Variants in CFAP299 observed in about 807,000 individuals in gnomAD.
CFAP299 encodes cilia- and flagella-associated protein 299.
Under a neutral mutation model 27.0 loss-of-function variants are expected in CFAP299, and 21 were observed. The ratio of observed to expected loss-of-function variants is 0.78; its 90% CI spans 0.55 to 1.12. CFAP299 has a LOEUF of 1.12. Ranked by LOEUF, CFAP299 falls within the 50% of genes most tolerant of loss-of-function variation. The pLI is 0.00. For missense variants in CFAP299, 310 were observed against 276.6 expected (o/e 1.12, Z -0.86); for synonymous variants, 104 against 98.1 (o/e 1.06, Z -0.36).
chr4:80,800,648 A>ATATTAATATAAATATATAATATATT (rs1728511312), intron 3 of CFAP299, among the ~76,000 whole-genome samples: 1 of 98,806 alleles, frequency 1.0e-5, no homozygotes, highest in Admixed American at 1.7e-4. Context: ...ATAATATATT[A>ATATTAATATAAATATATAATATATT]ATATATATAT....
chr4:80,331,086 G>A (rs1225999140), upstream of CFAP299, among the ~76,000 whole-genome samples: 1 of 152,136 alleles, frequency 6.6e-6, no homozygotes, highest in Non-Finnish European at 1.5e-5. Flanking sequence ...TCTCTATACC[G>A]AGATCTATAA....
chr4:80,690,460 A>G (rs1311258836), intron 3 of CFAP299, among the ~76,000 whole-genome samples: 1 of 152,184 alleles, frequency 6.6e-6, no homozygotes, highest in African/African-American at 2.4e-5. Flanking sequence ...ACATAACGAA[A>G]TGAAGGCAGA....
chr4:80,858,403 T>C (rs1186117793), intron 3 of CFAP299, among the ~76,000 whole-genome samples: 1 of 152,208 alleles, frequency 6.6e-6, no homozygotes, highest in African/African-American at 2.4e-5. Flanking sequence ...TGTATCTCTA[T>C]TTCCTTCAGT....
chr4:80,788,610 G>A (rs986202110), intron 3 of CFAP299, among the ~76,000 whole-genome samples: 1 of 151,918 alleles, frequency 6.6e-6, no homozygotes, highest in African/African-American at 2.4e-5. Context: ...TCATTAGCTA[G>A]AACATCCTAA....
At chr4:80,764,046 A>G (rs11724944) in intron 3 of CFAP299, among the ~76,000 whole-genome samples, 111 of 152,332 alleles carry the variant, frequency 7.3e-4, no homozygotes, top group Middle Eastern at 3.4e-3. Flanking sequence ...AGGCATGGAT[A>G]AAGACTTCAT....
intron 3 of CFAP299, among the ~76,000 whole-genome samples, chr4:80,663,302 A>G (rs1016906573): frequency 6.6e-6 from 1 of 151,156 alleles, no homozygotes; most frequent in Non-Finnish European, 1.5e-5. Context: ...CCACCCCCTG[A>G]CAGGCACAGT....
intron 5 of CFAP299, among the ~76,000 whole-genome samples, chr4:80,958,413 A>G (rs1738175279): frequency 6.6e-6 from 1 of 152,178 alleles, no homozygotes; most frequent in Non-Finnish European, 1.5e-5. Context: ...TACTGAACTG[A>G]TGCAGATCAC....
At chr4:80,582,699 A>C (rs1391992718) in intron 2 of CFAP299, among the ~76,000 whole-genome samples, 1 of 151,870 alleles carries the variant, frequency 6.6e-6, no homozygotes, top group Non-Finnish European at 1.5e-5. Flanking sequence ...CAGTAACTGC[A>C]TAGCATAGGT....
the CFAP299 span, among the ~76,000 whole-genome samples, chr4:80,323,493 A>G: frequency 6.6e-6 from 1 of 152,212 alleles, no homozygotes; most frequent in African/African-American, 2.4e-5. Context: ...CTTTTCAAAA[A>G]GATTGTCTTA....
At chr4:80,449,756 A>G (rs1326058795) in intron 2 of CFAP299, among the ~76,000 whole-genome samples, 4 of 152,026 alleles carry the variant, frequency 2.6e-5, no homozygotes, top group Non-Finnish European at 5.9e-5. Flanking sequence ...GCCAAAACCT[A>G]GAAAGAACAC....
At chr4:80,554,177 A>T (rs1208721729) in intron 2 of CFAP299, among the ~76,000 whole-genome samples, 2 of 152,134 alleles carry the variant, frequency 1.3e-5, no homozygotes, top group African/African-American at 4.8e-5. Context: ...TATATGGTGT[A>T]AGGAAGGGGT....
intron 2 of CFAP299, among the ~76,000 whole-genome samples, chr4:80,385,097 GAGA>G (rs1724902295): frequency 6.6e-6 from 1 of 152,040 alleles, no homozygotes; most frequent in Non-Finnish European, 1.5e-5. Flanking sequence ...TGTTTATGAT[GAGA>G]ACAATTAATA....
In CFAP299 at chr4:80,955,014, A is replaced by C. The variant is rs1355768254; in HGVS notation, c.607-8503A>C. On this transcript the variant is annotated intron_variant, in intron 5 of 5. Coordinates refer to ENST00000358105, the MANE Select transcript of CFAP299 (RefSeq NM_152770.3). ...GACTCCATCAAAAAAAAAAAAAAAAAAAAAAAAAAAAAAAAAAAAACGCAC... is the reference window on the plus strand; with the variant it reads ...GACTCCATCAAAAAAAAAAAAAAAACAAAAAAAAAAAAAAAAAAAACGCAC... Among the ~76,000 whole-genome samples the C allele has an allele frequency of 1.2e-3, 167 of 138,234 alleles. 16 individuals are homozygous for C. The highest frequency in any genetic ancestry group is 1.3e-3 in the Non-Finnish European group (87 of 64,720). 90.7% of individuals were successfully genotyped at this position (138,234 alleles called of 152,430 possible).
chr4:80,867,582 C>T (rs1235354507), intron 3 of CFAP299, among the ~76,000 whole-genome samples: 1 of 152,186 alleles, frequency 6.6e-6, no homozygotes, highest in African/African-American at 2.4e-5. Context: ...AAGGGGTTGG[C>T]AGATTTGGTT....
At chr4:80,592,330 A>G (rs1736830676) in intron 3 of CFAP299, among the ~76,000 whole-genome samples, 4 of 152,190 alleles carry the variant, frequency 2.6e-5, no homozygotes, top group Non-Finnish European at 5.9e-5. Context: ...TATCCATGAG[A>G]CTATTTGACC....
intron 3 of CFAP299, among the ~76,000 whole-genome samples, chr4:80,737,867 C>G (rs1724005299): frequency 6.6e-6 from 1 of 152,128 alleles, no homozygotes. Flanking sequence ...ACACTTATAG[C>G]TATAAACGAT....
chr4:80,851,086 GTAACACAGACAA>G (rs572164431), intron 3 of CFAP299, among the ~76,000 whole-genome samples: 24 of 152,158 alleles, frequency 1.6e-4, no homozygotes, highest in African/African-American at 5.8e-4. Context: ...GTAGTAGACA[GTAACACAGACAA>G]TTTTAAAAAT....
At chr4:80,599,070 A>G (rs1422944224) in intron 3 of CFAP299, among the ~76,000 whole-genome samples, 1 of 152,204 alleles carries the variant, frequency 6.6e-6, no homozygotes, top group African/African-American at 2.4e-5. Flanking sequence ...AATAGATTTT[A>G]TTTGGCCAAA....
chr4:80,877,975 C>G (rs548250684), intron 4 of CFAP299, among the ~76,000 whole-genome samples: 1 of 151,934 alleles, frequency 6.6e-6, no homozygotes, highest in Non-Finnish European at 1.5e-5. Flanking sequence ...TTTCATCTTG[C>G]GTCTCATGAG....
Sources: gnomAD v4.1 joint callset for allele counts (sites outside exome capture counted in the v4.1 genomes callset) on GRCh38, gnomAD v4.1.1 for gene constraint, MANE v1.5 for transcripts, NCBI Gene and HGNC (gene_info 2026-07-23, HGNC 2026-07-21) for gene names.